TRPM6: variants seen among roughly 807,000 people sequenced by gnomAD.
The protein encoded by TRPM6 is channel kinase 2.
In TRPM6, 111 loss-of-function variants were observed where a neutral mutation model predicts 247.6. The observed-to-expected ratio is 0.45, with a 90% CI of 0.38 to 0.52. The LOEUF (loss-of-function observed/expected upper bound fraction) is 0.52. Among genes scored for constraint, TRPM6 ranks in the 20% least tolerant of loss-of-function variants. The pLI, the probability that TRPM6 is intolerant of heterozygous loss-of-function variation, is 0.00. For synonymous variants in TRPM6, 892 were observed against 853.8 expected (o/e 1.04, Z -0.78); for missense variants, 2,126 against 2,421.5 (o/e 0.88, Z 2.56).
chr9:74,791,918 G>A (rs539751425), intron 19 of TRPM6, among the ~76,000 whole-genome samples: 115 of 152,148 alleles, frequency 7.6e-4, no homozygotes, highest in African/African-American at 2.5e-3. Flanking sequence ...CATCACGCCC[G>A]GCTACTTTTT....
At chr9:74,731,510 A>G (rs992137215) in intron 37 of TRPM6, among the ~76,000 whole-genome samples, 2 of 151,850 alleles carry the variant, frequency 1.3e-5, no homozygotes, top group African/African-American at 4.8e-5. Flanking sequence ...TATTTTCTCT[A>G]GTTCACCTAG....
At chr9:74,848,820 A>G (rs775919998) in intron 3 of TRPM6, among the ~76,000 whole-genome samples, 12 of 152,240 alleles carry the variant, frequency 7.9e-5, no homozygotes, top group Non-Finnish European at 1.6e-4. Context: ...TTTAACTTCT[A>G]TATATCTGCT....
Position 74,800,597 on chromosome 9 carries a change from T to C in TRPM6, c.2010-115A>G, listed in dbSNP as rs534762484. 62 of 743,050 alleles carry C rather than the reference T, an allele frequency of 8.3e-5. 1 individual carries two copies. The South Asian group carries it at 8.7e-4, about 10-fold the overall frequency. The allele number at this position is 743,050 out of a possible 1,614,324, so 46.0% of individuals were successfully genotyped here. A position where few individuals can be genotyped will look rare whatever the true frequency, so the allele number is the denominator to read the frequency against. On this transcript the variant is annotated intron_variant, in intron 16 of 38. Coordinates refer to ENST00000360774, the MANE Select transcript of TRPM6 (RefSeq NM_017662.5). Reference sequence around the variant, plus strand: ...AAGATTGGATGTGAGGCTCAGAAAATATCAATTCATAAGGCTTCCTTTAAA... The same window carrying C: ...AAGATTGGATGTGAGGCTCAGAAAACATCAATTCATAAGGCTTCCTTTAAA...
In TRPM6 at chr9:74,840,120, T is replaced by C. The variant is rs2118189096; in HGVS notation, c.448A>G (p.Thr150Ala). The C allele has an allele frequency of 6.2e-7, 1 of 1,613,944 alleles. No homozygotes were observed. The highest frequency in any genetic ancestry group is 8.5e-7 in the Non-Finnish European group (1 of 1,179,838). Residue 150 changes from threonine (T) to alanine (A), a missense_variant, in exon 5 of 39, where the codon ACT becomes GCT. Physicochemically the swap from Thr to Ala is moderately conservative, Grantham distance 58. Coordinates refer to ENST00000360774, the MANE Select transcript of TRPM6 (RefSeq NM_017662.5). ...ISVHGGIQNF[T>A]MPSKFKEIFS... ...ATCTCTTTAAATTTAGAGGGCATAGTAAAGTTCTGGATGCCCCCATGGACT... is the reference window on the plus strand; with the variant it reads ...ATCTCTTTAAATTTAGAGGGCATAGCAAAGTTCTGGATGCCCCCATGGACT...
Position 74,820,401 on chromosome 9 carries a change from T to C in TRPM6, c.1037A>G (p.Glu346Gly). The change falls in exon 9 of 39, where the codon GAG (glutamate) becomes GGG (glycine). Residue 346 changes from glutamate (E) to glycine (G), a missense_variant. By Grantham distance (98) the Glu-to-Gly change is moderately conservative. Around this residue, in one of 3 missense-constraint regions of TRPM6, gnomAD observed 1,082 missense variants for 1,307.9 expected, o/e 0.83. Transcript: ENST00000360774. Reference sequence around the variant, plus strand: ...AGTGTTCTGAATCATGCAGATGATCTCCTCTTTCACCTGAGGTCGCAGCAT... The same window carrying C: ...AGTGTTCTGAATCATGCAGATGATCCCCTCTTTCACCTGAGGTCGCAGCAT... Reference protein sequence around the residue: ...EGMLRPQVKEEIICMIQNTFN... With the variant: ...EGMLRPQVKEGIICMIQNTFN... The C allele has an allele frequency of 6.2e-7, 1 of 1,614,150 alleles. No homozygotes were observed. The highest frequency in any genetic ancestry group is 8.5e-7 in the Non-Finnish European group (1 of 1,180,006).
At chr9:74,792,530 T>G in intron 19 of TRPM6, 94 bp downstream of exon 19, 1 of 1,395,718 alleles carries the variant, frequency 7.2e-7, no homozygotes, top group Non-Finnish European at 1.0e-6. Flanking sequence ...TTTCTACATT[T>G]TTAATGCAAA....
intron 1 of TRPM6, among the ~76,000 whole-genome samples, chr9:74,870,411 A>G (rs772649178): frequency 7.2e-5 from 11 of 152,132 alleles, no homozygotes; most frequent in Non-Finnish European, 1.0e-4. Context: ...GTAACTGGGG[A>G]TCATGGGCAT....
At chr9:74,785,759 G>C in intron 21 of TRPM6, 115 bp downstream of exon 21, 1 of 1,148,492 alleles carries the variant, frequency 8.7e-7, no homozygotes, top group South Asian at 1.2e-5. Flanking sequence ...TCCTGACCTT[G>C]TGATCCGCCC....
chr9:74,853,433 G>C (rs892994552), intron 3 of TRPM6, among the ~76,000 whole-genome samples: 1 of 152,246 alleles, frequency 6.6e-6, no homozygotes, highest in Non-Finnish European at 1.5e-5. Context: ...GAAATGTGGG[G>C]AAAAGGAAGA....
At chr9:74,881,368 G>T (rs892097183) in intron 1 of TRPM6, among the ~76,000 whole-genome samples, 1 of 151,394 alleles carries the variant, frequency 6.6e-6, no homozygotes, top group African/African-American at 2.4e-5. Flanking sequence ...ATTATATAAG[G>T]CAATCAATTC....
rs375294202 is a variant in TRPM6, at chr9:74,802,093, A to G, written c.1814T>C (p.Leu605Pro). The G allele has an allele frequency of 4.3e-6, 7 of 1,614,194 alleles. No homozygotes were observed. Among genetic ancestry groups the G allele is most frequent in the Non-Finnish European group, 5.1e-6 (6 of 1,180,024 alleles). The change falls in exon 16 of 39, where the codon CTT becomes CCT. Residue 605 changes from leucine to proline, a missense_variant. Transcript: ENST00000360774. ...AACCAGCAGGTCATTGTAAGGGTAA[A>G]GAAAGCCAGTAGACTCAGGGTCATC... The part of the protein sequence containing the change: ...VSDDPESTGF[L>P]YPYNDLLVWA...
At chr9:74,752,407 A>G (rs1487957433) in intron 28 of TRPM6, 39 bp from the exon 29 acceptor site, 1 of 1,128,172 alleles carries the variant, frequency 8.9e-7, no homozygotes, top group African/African-American at 1.5e-5. Context: ...AATACATGAA[A>G]ATGTGTTACA....
intron 1 of TRPM6, among the ~76,000 whole-genome samples, chr9:74,883,651 A>G (rs1831435345): frequency 6.6e-6 from 1 of 152,180 alleles, no homozygotes; most frequent in African/African-American, 2.4e-5. Flanking sequence ...ATCTACAGGA[A>G]CTACTGTTAA....
At chr9:74,824,764 A>G (rs1829269716) in intron 7 of TRPM6, among the ~76,000 whole-genome samples, 1 of 152,182 alleles carries the variant, frequency 6.6e-6, no homozygotes, top group African/African-American at 2.4e-5. Context: ...GAGGCATCAG[A>G]GCCTATGTTT....
At chr9:74,856,736 C>T (rs995757381) in intron 2 of TRPM6, among the ~76,000 whole-genome samples, 2 of 151,964 alleles carry the variant, frequency 1.3e-5, no homozygotes, top group Non-Finnish European at 2.9e-5. Context: ...AATAATAAAA[C>T]AAACTTTTAT....
In TRPM6 at chr9:74,802,007, C is replaced by T. The variant is rs1418913491; in HGVS notation, c.1900G>A (p.Ala634Thr). ...CACGCAATCACGGCTTTAACCGTGG[C>T]CTCCTCTCCATGCTGCCAGAAGAAC... is the stretch of plus-strand genomic sequence containing the variant. ...AMFFWQHGEE[A>T]TVKAVIACIL... is the part of the protein sequence containing the mutation. Residue 634 changes from alanine to threonine, a missense_variant, in exon 16 of 39, where the codon GCC becomes ACC. Ala to Thr is a moderately conservative substitution (Grantham distance 58). Around this residue, in one of 3 missense-constraint regions of TRPM6, gnomAD observed 1,082 missense variants for 1,307.9 expected, o/e 0.83. Coordinates refer to ENST00000360774, the MANE Select transcript of TRPM6 (RefSeq NM_017662.5). 6.2e-7 allele frequency: 1 copy of T among 1,614,084 alleles called. No individual in the cohort carries two copies. The highest frequency in any genetic ancestry group is 1.3e-5 in the African/African-American group (1 of 74,930).
chr9:74,750,791 C>T, intron 29 of TRPM6, 69 bp from the exon 30 acceptor site: 1 of 1,337,752 alleles, frequency 7.5e-7, no homozygotes, highest in South Asian at 1.2e-5. Flanking sequence ...TAGGAATGAT[C>T]TGCCAAACAC....
chr9:74,755,685 G>C (rs1826409513), intron 27 of TRPM6, among the ~76,000 whole-genome samples: 1 of 152,160 alleles, frequency 6.6e-6, no homozygotes, highest in Non-Finnish European at 1.5e-5. Context: ...GAGAACCCCT[G>C]CTCCACACCT....
chr9:74,786,307 A>G lies in TRPM6; in HGVS notation c.2668-182T>C, dbSNP rs1211075658. 6.6e-5 allele frequency among the ~76,000 whole-genome samples: 10 copies of G among 152,256 alleles called. No individual in the cohort carries two copies. The South Asian group carries it at 2.1e-3, about 31-fold the overall frequency. Reference sequence around the variant, plus strand: ...AGTAATGAATTATTTAAACAATGCTATACAGATATAATTTAAGTCATTTGA... The same window carrying G: ...AGTAATGAATTATTTAAACAATGCTGTACAGATATAATTTAAGTCATTTGA... On this transcript the variant is annotated intron_variant, in intron 20 of 38. Transcript: ENST00000360774.
Sources: gnomAD v4.1 joint callset for allele counts (sites outside exome capture counted in the v4.1 genomes callset) on GRCh38, gnomAD v4.1.1 for gene constraint, gnomAD v4.1.1 regional missense constraint, MANE v1.5 for transcripts, NCBI Gene and HGNC (gene_info 2026-07-23, HGNC 2026-07-21) for gene names.